PPP1R16A: variants seen among roughly 807,000 people sequenced by gnomAD.
PPP1R16A encodes the protein protein phosphatase 1 regulatory subunit 16A, also known as myosin phosphatase-targeting subunit 3.
Under a neutral mutation model 46.6 loss-of-function variants are expected in PPP1R16A, and 39 were observed. The observed-to-expected ratio is 0.84, with a 90% CI of 0.65 to 1.09. The LOEUF (loss-of-function observed/expected upper bound fraction) is 1.09, where lower values mean the gene tolerates loss of function less well. Ranked by LOEUF, PPP1R16A falls within the 50% of genes least tolerant of loss-of-function variation. The pLI, the probability that PPP1R16A is intolerant of heterozygous loss-of-function variation, is 0.00. For synonymous variants in PPP1R16A, 413 were observed against 321.5 expected (o/e 1.28, Z -3.04); for missense variants, 798 against 735.6 (o/e 1.08, Z -0.98).
chr8:144,484,224 G>T (rs1318339086), intron 1 of PPP1R16A, among the ~76,000 whole-genome samples: 1 of 152,274 alleles, frequency 6.6e-6, no homozygotes, highest in Non-Finnish European at 1.5e-5. Flanking sequence ...CTGTGAGGAA[G>T]TGAATACCGA....
intron 1 of PPP1R16A, chr8:144,478,643 C>A: frequency 6.5e-6 from 1 of 152,720 alleles, no homozygotes. Flanking sequence ...TTGTGTGGGC[C>A]TTGGAGCTAG....
rs1167604874 is a variant in PPP1R16A at position 144,501,682 on chromosome 8, C to G, written c.1366C>G (p.Leu456Val). The G allele has an allele frequency of 6.2e-7, 1 of 1,607,658 alleles. No homozygotes were observed. Among genetic ancestry groups the G allele is most frequent in the East Asian group, 2.3e-5 (1 of 44,334 alleles). The stretch of plus-strand genomic sequence containing the variant: ...GGTCCACGACAAGGCCCACCACACC[C>G]TGGCTGACCTGAAGCGCCAGCGAGC... ...TLVHDKAHHT[L>V]ADLKRQRAAA... Residue 456 changes from leucine to valine, a missense_variant, in exon 12 of 12, where the codon CTG (leucine) becomes GTG (valine). Transcript: ENST00000435887.
intron 5 of PPP1R16A, 87 bp downstream of exon 5, chr8:144,499,148 C>T (rs1826263177): frequency 3.5e-6 from 5 of 1,447,704 alleles, no homozygotes; most frequent in Admixed American, 2.3e-5. Flanking sequence ...ATCTGTGGCT[C>T]TCGGCCTCCT....
At chr8:144,490,867 C>T (rs1294877259) in intron 2 of PPP1R16A, among the ~76,000 whole-genome samples, 1 of 152,114 alleles carries the variant, frequency 6.6e-6, no homozygotes, top group Non-Finnish European at 1.5e-5. Flanking sequence ...CCAGTCTGGG[C>T]AACATAGGGA....
chr8:144,496,218 G>A (rs1010151617), intron 2 of PPP1R16A: 3 of 152,390 alleles, frequency 2.0e-5, no homozygotes, highest in Non-Finnish European at 2.9e-5. Context: ...TGGGTGGGAG[G>A]AGCCTGACAT....
intron 2 of PPP1R16A, among the ~76,000 whole-genome samples, chr8:144,492,557 G>A (rs368458055): frequency 6.6e-5 from 10 of 152,008 alleles, no homozygotes; most frequent in Non-Finnish European, 7.4e-5. Flanking sequence ...GGATGGTCTC[G>A]ATCTCCTGAC....
At position 144,501,070 on chromosome 8, in the gene PPP1R16A, T is replaced by C. The variant is rs1485032413; in HGVS notation, c.1038-59T>C. On this transcript the variant is annotated intron_variant, in intron 10 of 11. Coordinates refer to ENST00000435887, the MANE Select transcript of PPP1R16A (RefSeq NM_001329443.2). ...GAACTGGGGGCAGAGTCCGAGGGGG[T>C]GGGCGGGGTCCTCCGGGCACTCCCC... 3.8e-6 allele frequency: 6 copies of C among 1,565,772 alleles called. No individual in the cohort carries two copies. In the East Asian group the frequency reaches 1.2e-4, roughly 31 times the overall value.
At chr8:144,491,613 A>C (rs1825811989) in intron 2 of PPP1R16A, among the ~76,000 whole-genome samples, 2 of 152,028 alleles carry the variant, frequency 1.3e-5, no homozygotes, top group Admixed American at 1.3e-4. Context: ...AATACAAAAA[A>C]TTAGCTGGGT....
At chr8:144,480,342 TCTCA>T (rs1489198630) in intron 1 of PPP1R16A, among the ~76,000 whole-genome samples, 1 of 151,928 alleles carries the variant, frequency 6.6e-6, no homozygotes. Flanking sequence ...TGAGATGGAG[TCTCA>T]CTCTGTCGCC....
chr8:144,496,572 G>C lies in PPP1R16A; in HGVS notation c.-623G>C, dbSNP rs186225608. ...GCCTCACCCCTGGGCCCTGGGGCCA[G>C]GACTCCAGGACTCTGACTACCTGCC... On this transcript the variant is annotated 5_prime_UTR_variant, in exon 3 of 12. Coordinates refer to ENST00000435887, the MANE Select transcript of PPP1R16A (RefSeq NM_001329443.2). 5.2e-4 allele frequency: 82 copies of C among 157,130 alleles called. 1 individual carries two copies. The highest frequency in any genetic ancestry group is 1.5e-3 in the African/African-American group (61 of 41,574). The allele number at this position is 157,130 out of a possible 1,614,324, so 9.7% of individuals were successfully genotyped here. A position where few individuals can be genotyped will look rare whatever the true frequency, so the allele number is the denominator to read the frequency against.
At position 144,478,130 on chromosome 8, in the gene PPP1R16A, G is replaced by C. The variant is rs995853023; in HGVS notation, c.-914+3G>C. The C allele has an allele frequency of 5.1e-6, 2 of 394,950 alleles. No homozygotes were observed. Among genetic ancestry groups the C allele is most frequent in the East Asian group, 7.2e-5 (2 of 27,862 alleles). 24.5% of individuals were successfully genotyped at this position (394,950 alleles called of 1,614,324 possible). A position where few individuals can be genotyped will look rare whatever the true frequency, so the allele number is the denominator to read the frequency against. ...CGGCGGTCGGCGCGGGGCGCGAGGT[G>C]AGGCGCGGACTCCCGGGTCCTGCGG... On this transcript the variant is annotated splice_donor_region_variant and intron_variant, in intron 1 of 11. Coordinates refer to ENST00000435887, the MANE Select transcript of PPP1R16A (RefSeq NM_001329443.2).
In PPP1R16A at chr8:144,499,306, G is replaced by GCC. The variant is rs970737795; in HGVS notation, c.476+253_476+254dup. The GCC allele has an allele frequency of 3.6e-5, 19 of 522,114 alleles. No individual in the cohort carries two copies. In the East Asian group the frequency reaches 3.8e-4, roughly 10 times the overall value. 32.3% of individuals were successfully genotyped at this position (522,114 alleles called of 1,614,324 possible). A position where few individuals can be genotyped will look rare whatever the true frequency, so the allele number is the denominator to read the frequency against. ...CTCCTGCCGAGAGGGCAGGCCTCGG[G>GCC]CCCCCCCCCAGAGTGTGCACAGAGA... On this transcript the variant is annotated intron_variant, in intron 5 of 11. Transcript: ENST00000435887.
rs982888457 is a variant in PPP1R16A at position 144,501,698 on chromosome 8, G to A, written c.1382G>A (p.Arg461His). Residue 461 changes from arginine (R) to histidine (H), a missense_variant, in exon 12 of 12, where the codon CGC (arginine) becomes CAC (histidine). Physicochemically the swap from Arg to His is conservative, Grantham distance 29. Transcript: ENST00000435887. Reference sequence around the variant, plus strand: ...CACCACACCCTGGCTGACCTGAAGCGCCAGCGAGCTGCTGCCAAGCTGCAG... The same window carrying A: ...CACCACACCCTGGCTGACCTGAAGCACCAGCGAGCTGCTGCCAAGCTGCAG... ...KAHHTLADLK[R>H]QRAAAKLQRP... The A allele has an allele frequency of 6.2e-6, 10 of 1,603,010 alleles. No individual in the cohort carries two copies. Among genetic ancestry groups the A allele is most frequent in the Non-Finnish European group, 8.5e-6 (10 of 1,175,844 alleles).
At chr8:144,497,542 G>A in intron 3 of PPP1R16A, 89 bp downstream of exon 3, 1 of 1,558,780 alleles carries the variant, frequency 6.4e-7, no homozygotes, top group Non-Finnish European at 8.7e-7. Flanking sequence ...TGGGGGCTGG[G>A]CCTGTCCACA....
At chr8:144,494,680 GAT>G (rs1467471773) in intron 2 of PPP1R16A, among the ~76,000 whole-genome samples, 1 of 152,164 alleles carries the variant, frequency 6.6e-6, no homozygotes, top group Non-Finnish European at 1.5e-5. Flanking sequence ...CTTGGCTTGT[GAT>G]CTCTTTGGGT....
intron 2 of PPP1R16A, among the ~76,000 whole-genome samples, chr8:144,492,646 G>A (rs887946821): frequency 6.6e-6 from 1 of 152,048 alleles, no homozygotes; most frequent in Non-Finnish European, 1.5e-5. Flanking sequence ...CACATTTTAA[G>A]TTTGGAGGTG....
Position 144,500,219 on chromosome 8 carries a change from T to C in PPP1R16A, c.580+20T>C, listed in dbSNP as rs1475238269. 2.5e-6 allele frequency: 4 copies of C among 1,592,896 alleles called. No homozygotes were observed. In the South Asian group the frequency reaches 4.5e-5, roughly 18 times the overall value. On this transcript the variant is annotated intron_variant, in intron 6 of 11. Transcript: ENST00000435887. ...ACCGTGGTAGGTGCGGCGGTGCGGC[T>C]GTGGGAGGGCTGCCGGTCGCGCTCC...
At position 144,498,759 on chromosome 8, in the gene PPP1R16A, C is replaced by A; in HGVS notation, c.260-11C>A. ...GCAGGACCCTGTCCTCACCTCGCCA[C>A]CTTTTTGCAGTCCGCCAGTTCCTTG... On this transcript the variant is annotated splice_polypyrimidine_tract_variant and intron_variant, in intron 3 of 11. Transcript: ENST00000435887. The A allele has an allele frequency of 5.7e-6, 9 of 1,573,886 alleles. No individual in the cohort carries two copies. Among genetic ancestry groups the A allele is most frequent in the Non-Finnish European group, 7.8e-6 (9 of 1,153,762 alleles).
In PPP1R16A at chr8:144,497,321, G is replaced by C. The variant is rs1826122877; in HGVS notation, c.127G>C (p.Glu43Gln). Reference protein sequence around the residue: ...QVKMWAQAEKEAQGKKGPGER... With the variant: ...QVKMWAQAEKQAQGKKGPGER... ...GAAGATGTGGGCCCAGGCTGAGAAG[G>C]AGGCCCAGGGCAAGAAGGGTCCTGG... The change falls in exon 3 of 12, where the codon GAG becomes CAG. Residue 43 changes from glutamate to glutamine, a missense_variant. Transcript: ENST00000435887. 12 of 1,612,566 alleles carry C rather than the reference G, an allele frequency of 7.4e-6. No homozygotes were observed. The East Asian group carries it at 2.7e-4, about 36-fold the overall frequency.
Sources: allele counts gnomAD v4.1 joint callset (sites outside exome capture counted in the v4.1 genomes callset), GRCh38; gene constraint gnomAD v4.1.1; transcripts MANE v1.5; gene names NCBI Gene and HGNC (gene_info 2026-07-23, HGNC 2026-07-21).